Variants in PM20D2 observed in about 807,000 individuals in gnomAD.
PM20D2 encodes peptidase M20 domain containing 2.
In PM20D2, 33 loss-of-function variants were observed where a neutral mutation model predicts 42.9. The ratio of observed to expected loss-of-function variants is 0.77; its 90% CI spans 0.58 to 1.03. The LOEUF is 1.03. PM20D2 is among the 50% of genes least tolerant of loss of function. PM20D2 has a pLI of 0.00. For missense variants in PM20D2, 548 were observed against 557.0 expected (o/e 0.98, Z 0.16); for synonymous variants, 250 against 228.2 (o/e 1.10, Z -0.86).
At chr6:89,137,043 T>C in the PM20D2 span, among the ~76,000 whole-genome samples, 16 of 151,434 alleles carry the variant, frequency 1.1e-4, no homozygotes, top group Middle Eastern at 6.8e-3. Flanking sequence ...GGTGATTCTC[T>C]ATAAAGTGTT....
Position 89,152,939 on chromosome 6 carries a change from A to G in PM20D2, c.615-104A>G, listed in dbSNP as rs537660690. On this transcript the variant is annotated intron_variant, in intron 2 of 6. Coordinates refer to ENST00000275072, the MANE Select transcript of PM20D2 (RefSeq NM_001010853.3). ...TAATTTGCAAATCAAAAGTCCAGCA[A>G]TGTGAATTAATTTTGAATAGTAGTT... 2.7e-5 allele frequency: 23 copies of G among 855,342 alleles called. No homozygotes were observed. In the African/African-American group the frequency reaches 3.1e-4, roughly 12 times the overall value. The allele number at this position is 855,342 out of a possible 1,614,324, so 53.0% of individuals were successfully genotyped here.
upstream of PM20D2, among the ~76,000 whole-genome samples, chr6:89,143,347 T>G (rs1432352326): frequency 1.3e-5 from 2 of 152,222 alleles, no homozygotes; most frequent in Non-Finnish European, 2.9e-5. Context: ...AGCACTCATT[T>G]GTCATGAATG....
chr6:89,101,593 G>A, the PM20D2 span, among the ~76,000 whole-genome samples: 2 of 152,016 alleles, frequency 1.3e-5, no homozygotes, highest in Non-Finnish European at 2.9e-5. Context: ...GTGGTGGCGG[G>A]AGGCTGAGGC....
In PM20D2 at chr6:89,161,200, T is replaced by G. The variant is rs432178; in HGVS notation, c.1049-583T>G. On this transcript the variant is annotated intron_variant, in intron 5 of 6. Coordinates refer to ENST00000275072, the MANE Select transcript of PM20D2 (RefSeq NM_001010853.3). ...TGAGTTTGACTTTAGATATGTTAAG[T>G]TTGATCTACCTTGAAGACATCCAAG... is the stretch of plus-strand genomic sequence containing the variant. Among the ~76,000 whole-genome samples the G allele has an allele frequency of 8.3e-3, 1,260 of 152,182 alleles. 17 individuals carry two copies. Among genetic ancestry groups the G allele is most frequent in the African/African-American group, 0.029 (1,189 of 41,518 alleles).
the PM20D2 span, among the ~76,000 whole-genome samples, chr6:89,138,967 G>A: frequency 6.6e-6 from 1 of 152,160 alleles, no homozygotes; most frequent in Non-Finnish European, 1.5e-5. Flanking sequence ...ACAAAGAAAG[G>A]TAGTTTTAGT....
the PM20D2 span, among the ~76,000 whole-genome samples, chr6:89,130,581 G>A: frequency 9.2e-5 from 14 of 151,770 alleles, no homozygotes; most frequent in East Asian, 3.9e-4. Flanking sequence ...AAGAGGAATC[G>A]CCACTTTGAT....
At chr6:89,134,526 A>G in the PM20D2 span, among the ~76,000 whole-genome samples, 1 of 151,146 alleles carries the variant, frequency 6.6e-6, no homozygotes, top group East Asian at 1.9e-4. Flanking sequence ...AGTAGTTACT[A>G]AAATAGTTAG....
intron 5 of PM20D2, 137 bp downstream of exon 5, chr6:89,158,597 TA>T: frequency 1.1e-6 from 1 of 950,772 alleles, no homozygotes; most frequent in South Asian, 1.7e-5. Flanking sequence ...ACTTTATGGT[TA>T]GGGGAAAGAA....
chr6:89,104,310 C>G, the PM20D2 span, among the ~76,000 whole-genome samples: 1 of 149,196 alleles, frequency 6.7e-6, no homozygotes, highest in African/African-American at 2.5e-5. Context: ...GATCTCAGCT[C>G]ACTGCAACCT....
chr6:89,149,203 C>G (rs1032316750), intron 1 of PM20D2, 62 bp from the exon 2 acceptor site: 7 of 1,553,310 alleles, frequency 4.5e-6, no homozygotes, highest in African/African-American at 1.4e-5. Flanking sequence ...GCAGGTGAAC[C>G]TGTTTGATAT....
the PM20D2 span, among the ~76,000 whole-genome samples, chr6:89,107,581 A>C: frequency 2.0e-4 from 30 of 151,894 alleles, no homozygotes; most frequent in South Asian, 2.1e-4. Context: ...AAATACAAAA[A>C]TCAGCCAGGT....
At chr6:89,115,471 G>C in the PM20D2 span, among the ~76,000 whole-genome samples, 1 of 151,658 alleles carries the variant, frequency 6.6e-6, no homozygotes, top group African/African-American at 2.4e-5. Flanking sequence ...TAGTACAGAC[G>C]GGGTTTCACC....
the PM20D2 span, among the ~76,000 whole-genome samples, chr6:89,132,832 C>T: frequency 3.4e-5 from 5 of 148,236 alleles, no homozygotes; most frequent in African/African-American, 1.3e-4. Flanking sequence ...GGTGAGACTC[C>T]ATCTCAAGAA....
At chr6:89,099,432 A>G in the PM20D2 span, among the ~76,000 whole-genome samples, 12 of 100,256 alleles carry the variant, frequency 1.2e-4, no homozygotes, top group Non-Finnish European at 1.1e-4. Flanking sequence ...ATATGTGTGT[A>G]TATATATACA....
the PM20D2 span, among the ~76,000 whole-genome samples, chr6:89,113,405 C>T: frequency 6.6e-6 from 1 of 152,156 alleles, no homozygotes; most frequent in Non-Finnish European, 1.5e-5. Flanking sequence ...AACTCCTGAC[C>T]TCGTGATCCG....
At chr6:89,147,901 A>G (rs1770655225) in intron 1 of PM20D2, among the ~76,000 whole-genome samples, 1 of 151,798 alleles carries the variant, frequency 6.6e-6, no homozygotes, top group Admixed American at 6.6e-5. Context: ...TTAAAAAAAA[A>G]AAGAGCGGCG....
At chr6:89,120,995 G>C in the PM20D2 span, among the ~76,000 whole-genome samples, 27,982 of 151,764 alleles carry the variant, frequency 0.18, 3,444 homozygotes, top group Non-Finnish European at 0.27. Flanking sequence ...TTATCTTTTA[G>C]TATTGTCAGA....
chr6:89,116,222 G>A, the PM20D2 span, among the ~76,000 whole-genome samples: 11 of 152,154 alleles, frequency 7.2e-5, no homozygotes, highest in Non-Finnish European at 1.6e-4. Flanking sequence ...GCTGGCCCCT[G>A]TGAACCATTA....
Position 89,161,877 on chromosome 6 carries a change from C to T in PM20D2, c.1143C>T (p.Tyr381=). The T allele has an allele frequency of 6.2e-7, 1 of 1,609,548 alleles. No homozygotes were observed. Among genetic ancestry groups the T allele is most frequent in the East Asian group, 2.2e-5 (1 of 44,832 alleles). ...ATGCCTTGAATCATACTGAACAGTA[C>T]ACTGAAGCTGCTGGTAAGTGTTGTT... is the stretch of plus-strand genomic sequence containing the variant. The part of the protein sequence containing the change: ...GSNALNHTEQ[Y]TEAAGSQEAQ... Residue 381 remains tyrosine (Y), a synonymous_variant, in exon 6 of 7, where the codon TAC becomes TAT. Coordinates refer to ENST00000275072, the MANE Select transcript of PM20D2 (RefSeq NM_001010853.3).
Sources: gnomAD v4.1 joint callset for allele counts (sites outside exome capture counted in the v4.1 genomes callset) on GRCh38, gnomAD v4.1.1 for gene constraint, MANE v1.5 for transcripts, NCBI Gene and HGNC (gene_info 2026-07-23, HGNC 2026-07-21) for gene names.